The following EPRS1 variants were observed in gnomAD, a reference collection of about 807,000 sequenced individuals.
EPRS1 encodes glutamyl-prolyl-tRNA synthetase 1, also known as bifunctional glutamate/proline--tRNA ligase.
EPRS1 carries 107 observed loss-of-function variants against 188.3 expected under a neutral mutation model. The ratio of observed to expected loss-of-function variants is 0.57; its 90% confidence interval spans 0.49 to 0.67. The LOEUF (loss-of-function observed/expected upper bound fraction) is 0.67. Among genes scored for constraint, EPRS1 ranks in the 30% least tolerant of loss-of-function variants. EPRS1 has a pLI of 0.00. For synonymous variants in EPRS1, 596 were observed against 593.1 expected (o/e 1.00, Z -0.07); for missense variants, 1,577 against 1,802.2 (o/e 0.88, Z 2.26).
chr1:220,033,706 TATAAAA>T, intron 3 of EPRS1, 48 bp from the exon 4 acceptor site: 1 of 1,436,348 alleles, frequency 7.0e-7, no homozygotes, highest in East Asian at 2.3e-5. Context: ...CATTTCAACT[TATAAAA>T]AGAAAGACCA....
chr1:219,980,756 C>T lies in EPRS1; in HGVS notation c.3555G>A (p.Glu1185=), dbSNP rs1278602520. The T allele has an allele frequency of 3.7e-6, 6 of 1,601,024 alleles. No homozygotes were observed. Among genetic ancestry groups the T allele is most frequent in the Non-Finnish European group, 5.1e-6 (6 of 1,169,566 alleles). The change falls in exon 25 of 32, where the codon GAG becomes GAA. Residue 1185 remains glutamate (E), a splice_region_variant and synonymous_variant. Transcript: ENST00000366923. ...TAATATGGAAAATAACTTTTTATAC[C>T]TCTTCCGCTGCCTCTTCCATGGTAG... ...AFATMEEAAE[E]VLQILDLYAQ...
At chr1:220,016,268 C>T (rs140030167) in intron 12 of EPRS1, among the ~76,000 whole-genome samples, 2,299 of 150,660 alleles carry the variant, frequency 0.015, 48 homozygotes, top group African/African-American at 0.046. Context: ...CATTTGAACC[C>T]GGGAGGTGGA....
chr1:220,025,428 GAA>G (rs11340220), intron 6 of EPRS1, among the ~76,000 whole-genome samples, 170 bp from the exon 7 acceptor site: 89 of 148,116 alleles, frequency 6.0e-4, no homozygotes, highest in Middle Eastern at 3.5e-3. Context: ...ACCCTGACAG[GAA>G]AAAAAAAAAA....
At chr1:220,004,761 C>A (rs1012029113) in intron 16 of EPRS1, among the ~76,000 whole-genome samples, 2 of 151,278 alleles carry the variant, frequency 1.3e-5, no homozygotes, top group Admixed American at 6.6e-5. Context: ...ATAGCAGAGA[C>A]AAACAGAAAA....
chr1:220,001,087 T>G, intron 17 of EPRS1, 51 bp downstream of exon 17: 1 of 986,068 alleles, frequency 1.0e-6, no homozygotes, highest in Non-Finnish European at 1.6e-6. Context: ...TTCTAAACCC[T>G]GGGATAGAAA....
intron 20 of EPRS1, among the ~76,000 whole-genome samples, chr1:219,986,484 T>G (rs1053869945): frequency 6.6e-6 from 1 of 152,186 alleles, no homozygotes; most frequent in Non-Finnish European, 1.5e-5. Context: ...ACATGCTCCA[T>G]TATAATCTTA....
chr1:219,970,481 A>T (rs1453518029), intron 30 of EPRS1, among the ~76,000 whole-genome samples: 1 of 152,164 alleles, frequency 6.6e-6, no homozygotes, highest in East Asian at 1.9e-4. Flanking sequence ...CCTTCTATTA[A>T]AAGTAGGAAG....
chr1:219,991,569 G>A (rs1486614631), intron 18 of EPRS1, among the ~76,000 whole-genome samples: 2 of 152,136 alleles, frequency 1.3e-5, no homozygotes, highest in Non-Finnish European at 2.9e-5. Flanking sequence ...TCTGCTAGGA[G>A]ACTAAGTAAA....
At chr1:220,038,524 T>A (rs1419118915) in intron 2 of EPRS1, among the ~76,000 whole-genome samples, 1 of 150,456 alleles carries the variant, frequency 6.6e-6, no homozygotes, top group Non-Finnish European at 1.5e-5. Context: ...CCCAAGTAGC[T>A]GGGAGTACAC....
chr1:219,973,488 A>G, intron 28 of EPRS1, 90 bp from the exon 29 acceptor site: 3 of 937,082 alleles, frequency 3.2e-6, no homozygotes, highest in Non-Finnish European at 4.5e-6. Flanking sequence ...ACCATAAATT[A>G]TAAAAAACCC....
At position 219,984,224 on chromosome 1, in the gene EPRS1, A is replaced by G; in HGVS notation, c.3072T>C (p.Leu1024=). 1.2e-6 allele frequency: 2 copies of G among 1,613,616 alleles called. No individual in the cohort carries two copies. The highest frequency in any genetic ancestry group is 3.3e-4 in the Middle Eastern group (2 of 6,058). The change falls in exon 21 of 32, where the codon CTT becomes CTC. Residue 1024 remains leucine (L), a synonymous_variant. Transcript: ENST00000366923. ...TACTCACCTGAGAATACCAATCAGC[A>G]AGATTTTCTTCTTTTTTTGCCTCAA... The part of the protein sequence containing the change: ...LGLEAKKEEN[L]ADWYSQVITK...
chr1:220,016,990 G>A (rs941439602), intron 12 of EPRS1, among the ~76,000 whole-genome samples: 7 of 151,990 alleles, frequency 4.6e-5, no homozygotes, highest in Admixed American at 1.3e-4. Context: ...AGAGGTGGGC[G>A]GATCACAAGT....
In EPRS1 at chr1:220,020,007, C is replaced by A; in HGVS notation, c.1330G>T (p.Glu444Ter). ...SKRKLTWFVN[E>*]GLVDGWDDPR... ...ACATACCATCCATCTACTAGTCCTT[C>A]ATTGACAAACCATGTGAGTTTTCTT... is the stretch of plus-strand genomic sequence containing the variant. The change falls in exon 10 of 32, where the codon GAA (glutamate) becomes TAA (stop). Residue 444 changes from glutamate (E) to a stop codon, truncating the protein, a stop_gained. Coordinates refer to ENST00000366923, the MANE Select transcript of EPRS1 (RefSeq NM_004446.3). LOFTEE classifies it high-confidence loss of function. The A allele has an allele frequency of 6.2e-7, 1 of 1,611,892 alleles. No individual in the cohort carries two copies.
intron 1 of EPRS1, among the ~76,000 whole-genome samples, chr1:220,042,258 G>A (rs1017093467): frequency 1.1e-4 from 17 of 151,668 alleles, no homozygotes; most frequent in Admixed American, 5.9e-4. Flanking sequence ...TGAGGCAGGC[G>A]GATTGCCTGA....
chr1:219,990,544 C>T (rs888253047), intron 18 of EPRS1, among the ~76,000 whole-genome samples: 4 of 152,066 alleles, frequency 2.6e-5, no homozygotes, highest in African/African-American at 9.7e-5. Flanking sequence ...AGTTCCTTCC[C>T]CAGAGTTACA....
intron 16 of EPRS1, among the ~76,000 whole-genome samples, chr1:220,002,204 C>T (rs1255817245): frequency 2.0e-5 from 3 of 150,710 alleles, no homozygotes; most frequent in Non-Finnish European, 4.4e-5. Context: ...TGGTGGCGGG[C>T]GCCTGTAATC....
intron 18 of EPRS1, among the ~76,000 whole-genome samples, chr1:219,990,272 A>G (rs1326824403): frequency 6.6e-6 from 1 of 152,180 alleles, no homozygotes; most frequent in African/African-American, 2.4e-5. Context: ...AGGAAATGGA[A>G]TATTCTAGAT....
intron 12 of EPRS1, among the ~76,000 whole-genome samples, chr1:220,015,624 C>T (rs984816107): frequency 2.0e-5 from 3 of 152,102 alleles, no homozygotes; most frequent in East Asian, 1.9e-4. Flanking sequence ...TCCAATGATG[C>T]GGATGAAAAC....
intron 4 of EPRS1, 46 bp from the exon 5 acceptor site, chr1:220,032,572 C>T (rs1160618121): frequency 6.3e-7 from 1 of 1,598,798 alleles, no homozygotes; most frequent in Non-Finnish European, 8.5e-7. Flanking sequence ...TCTGCAGCTT[C>T]AAAAGCAAAG....
Sources: allele counts gnomAD v4.1 joint callset (sites outside exome capture counted in the v4.1 genomes callset), GRCh38; gene constraint gnomAD v4.1.1; transcripts MANE v1.5; gene names NCBI Gene and HGNC (gene_info 2026-07-23, HGNC 2026-07-21).